Variants in ZMAT2 observed in about 807,000 individuals in gnomAD.
The protein encoded by ZMAT2 is zinc finger matrin-type protein 2.
Under a neutral mutation model 27.5 loss-of-function variants are expected in ZMAT2, and 5 were observed. The ratio of observed to expected loss-of-function variants is 0.18; its 90% confidence interval spans 0.10 to 0.38. ZMAT2 has a LOEUF of 0.38. Ranked by LOEUF, ZMAT2 falls within the 10% of genes least tolerant of loss-of-function variation. ZMAT2 has a pLI of 1.00. For synonymous variants in ZMAT2, 76 were observed against 78.6 expected (o/e 0.97, Z 0.17); for missense variants, 124 against 243.9 (o/e 0.51, Z 3.27).
At chr5:140,702,491 CA>C (rs1355484021) in intron 3 of ZMAT2, among the ~76,000 whole-genome samples, 7 of 152,122 alleles carry the variant, frequency 4.6e-5, no homozygotes, top group Non-Finnish European at 8.8e-5. Flanking sequence ...CCAAAACAAA[CA>C]AAAATCATAC....
chr5:140,705,666 G>A lies in ZMAT2; in HGVS notation c.510G>A (p.Arg170=). The change falls in exon 6 of 6, where the codon AGG becomes AGA. Residue 170 remains arginine, a synonymous_variant. Transcript: ENST00000274712. ...AGAAACAGAAGGAGAAGAAAAGGAG[G>A]GCTGAGGAGGACTTGACATTTGAGG... ...KKEKQKEKKR[R]AEEDLTFEED... 1 of 1,614,134 alleles carries A rather than the reference G, an allele frequency of 6.2e-7. No individual in the cohort carries two copies. The highest frequency in any genetic ancestry group is 8.5e-7 in the Non-Finnish European group (1 of 1,180,012).
At chr5:140,700,502 G>A (rs1759938115) in intron 1 of ZMAT2, 24 bp downstream of exon 1, 1 of 1,612,890 alleles carries the variant, frequency 6.2e-7, no homozygotes, top group Non-Finnish European at 8.5e-7. Context: ...CTGAGGAGGA[G>A]GTTTTGCGGG....
intron 3 of ZMAT2, among the ~76,000 whole-genome samples, chr5:140,703,256 T>C (rs1279109009): frequency 5.9e-5 from 9 of 151,396 alleles, no homozygotes; most frequent in Non-Finnish European, 1.0e-4. Flanking sequence ...TTTTTTTTTT[T>C]CTGAGACAGA....
At chr5:140,703,293 A>G (rs2530232) in intron 3 of ZMAT2, among the ~76,000 whole-genome samples, 63,206 of 148,956 alleles carry the variant, frequency 0.42, 13,561 homozygotes, top group East Asian at 0.46. Flanking sequence ...CCAGGATGAA[A>G]TGCAATGGTA....
rs1213327013 is a variant in ZMAT2 at position 140,700,494 on chromosome 5, G to A, written c.18+16G>A. 1 of 1,613,028 alleles carries A rather than the reference G, an allele frequency of 6.2e-7. No individual in the cohort carries two copies. The highest frequency in any genetic ancestry group is 8.5e-7 in the Non-Finnish European group (1 of 1,179,932). On this transcript the variant is annotated intron_variant, in intron 1 of 5. Coordinates refer to ENST00000274712, the MANE Select transcript of ZMAT2 (RefSeq NM_144723.3). ...GGGCAGCGGGGTAGGTGTTGTGTCT[G>A]AGGAGGAGGTTTTGCGGGGTGGGGA...
rs747400131 is a variant in ZMAT2 at position 140,704,397 on chromosome 5, T to C, written c.311-29T>C. ...AGGGGCTGAGGATGTTGTAATGAAC[T>C]TGCCTTCTTCACTGTTGACCCTATG... On this transcript the variant is annotated intron_variant, in intron 4 of 5. Transcript: ENST00000274712. 3.8e-6 allele frequency: 6 copies of C among 1,587,582 alleles called. No homozygotes were observed. The South Asian group carries it at 4.6e-5, about 12-fold the overall frequency.
intron 1 of ZMAT2, 71 bp downstream of exon 1, chr5:140,700,549 C>T (rs755929077): frequency 3.1e-6 from 5 of 1,605,288 alleles, no homozygotes; most frequent in Non-Finnish European, 4.3e-6. Context: ...TAGAGACAAA[C>T]TCCTGCACCC....
Position 140,702,015 on chromosome 5 carries a change from T to G in ZMAT2, c.122T>G (p.Val41Gly). 1 of 1,611,590 alleles carries G rather than the reference T, an allele frequency of 6.2e-7. No individual in the cohort carries two copies. Among genetic ancestry groups the G allele is most frequent in the Non-Finnish European group, 8.5e-7 (1 of 1,178,810 alleles). Reference sequence around the variant, plus strand: ...CCCCATTATGTTTCAGGAAAACCAGTGCAGCCTGTCAAGCGAGAGCTTTTA... The same window carrying G: ...CCCCATTATGTTTCAGGAAAACCAGGGCAGCCTGTCAAGCGAGAGCTTTTA... ...EEREKKDGKPVQPVKRELLRH... is the reference protein window; with the variant it reads ...EEREKKDGKPGQPVKRELLRH... Residue 41 changes from valine (V) to glycine (G), a missense_variant, in exon 3 of 6, where the codon GTG (valine) becomes GGG (glycine). Transcript: ENST00000274712.
In ZMAT2 at chr5:140,704,628, A is replaced by G. The variant is rs1469903751; in HGVS notation, c.456+57A>G. 7.5e-6 allele frequency: 12 copies of G among 1,590,014 alleles called. No homozygotes were observed. The East Asian group carries it at 1.3e-4, about 18-fold the overall frequency. On this transcript the variant is annotated intron_variant, in intron 5 of 5. Transcript: ENST00000274712. ...AGATTTGAGTTTTATGTTATGAATC[A>G]TGGGAGACCCTGTCCTCATCCCACT...
intron 2 of ZMAT2, 94 bp from the exon 3 acceptor site, chr5:140,701,912 A>C (rs765057881): frequency 2.7e-5 from 40 of 1,469,008 alleles, no homozygotes; most frequent in Non-Finnish European, 3.7e-5. Flanking sequence ...TTTTGAAATG[A>C]GTAAGACCTG....
At position 140,706,570 on chromosome 5, in the gene ZMAT2, A is replaced by C. The variant is rs1484932324; in HGVS notation, c.*814A>C. 1 of 152,678 alleles carries C rather than the reference A, an allele frequency of 6.5e-6. No individual in the cohort carries two copies. The highest frequency in any genetic ancestry group is 2.4e-5 in the African/African-American group (1 of 41,458). The allele number at this position is 152,678 out of a possible 1,614,324, so 9.5% of individuals were successfully genotyped here. A position where few individuals can be genotyped will look rare whatever the true frequency, so the allele number is the denominator to read the frequency against. ...GATGCAAAAAAGAAAATGAAAAACA[A>C]AACAAAAAATCCCCAAAACCTTATT... On this transcript the variant is annotated 3_prime_UTR_variant, in exon 6 of 6. Transcript: ENST00000274712.
chr5:140,703,771 G>A (rs991104377), intron 3 of ZMAT2, 147 bp from the exon 4 acceptor site: 2 of 700,798 alleles, frequency 2.9e-6, no homozygotes, highest in African/African-American at 1.8e-5. Context: ...GAAGATGACT[G>A]CTATACTCTC....
rs1760051225 is a variant in ZMAT2, at chr5:140,706,011, A to G, written c.*255A>G. 2.5e-6 allele frequency: 1 copy of G among 401,484 alleles called. No homozygotes were observed. The highest frequency in any genetic ancestry group is 1.1e-4 in the South Asian group (1 of 9,510). 24.9% of individuals were successfully genotyped at this position (401,484 alleles called of 1,614,324 possible). A position where few individuals can be genotyped will look rare whatever the true frequency, so the allele number is the denominator to read the frequency against. On this transcript the variant is annotated 3_prime_UTR_variant, in exon 6 of 6. Transcript: ENST00000274712. ...AGGACCCTGCCCACCTGAGTTCCCA[A>G]TAAAGAAAAACCTCCCCTTCTGAGG...
At chr5:140,702,417 C>T (rs770016382) in intron 3 of ZMAT2, among the ~76,000 whole-genome samples, 1 of 152,164 alleles carries the variant, frequency 6.6e-6, no homozygotes, top group Non-Finnish European at 1.5e-5. Context: ...AGGAGGATTG[C>T]TTGAGCCCAG....
chr5:140,703,390 A>G (rs1384530097), intron 3 of ZMAT2, among the ~76,000 whole-genome samples: 1 of 151,340 alleles, frequency 6.6e-6, no homozygotes, highest in African/African-American at 2.4e-5. Context: ...ACAGGCATGC[A>G]CCACCTGATT....
At position 140,705,695 on chromosome 5, in the gene ZMAT2, A is replaced by G; in HGVS notation, c.539A>G (p.Asp180Gly). ...GAGGAGGACTTGACATTTGAGGAGG[A>G]CGATGAGATGGCAGCTGTGATGGGC... ...RAEEDLTFEEDDEMAAVMGFS... is the reference protein window; with the variant it reads ...RAEEDLTFEEGDEMAAVMGFS... Residue 180 changes from aspartate to glycine, a missense_variant, in exon 6 of 6, where the codon GAC (aspartate) becomes GGC (glycine). Transcript: ENST00000274712. The G allele has an allele frequency of 6.2e-7, 1 of 1,614,106 alleles. No individual in the cohort carries two copies. The highest frequency in any genetic ancestry group is 8.5e-7 in the Non-Finnish European group (1 of 1,180,022).
At chr5:140,701,034 C>T (rs888476587) in intron 2 of ZMAT2, 122 bp downstream of exon 2, 7 of 921,570 alleles carry the variant, frequency 7.6e-6, no homozygotes, top group Non-Finnish European at 1.1e-5. Context: ...GTGCTGCTTC[C>T]CTGGGCCTAG....
At chr5:140,704,051 A>G (rs779073953) in intron 4 of ZMAT2, 60 bp downstream of exon 4, 1 of 1,468,382 alleles carries the variant, frequency 6.8e-7, no homozygotes, top group South Asian at 1.2e-5. Context: ...GTGGGGTGGA[A>G]TGGAAGGGTA....
At chr5:140,705,576 G>A (rs368985908) in intron 5 of ZMAT2, 37 bp from the exon 6 acceptor site, 20 of 1,576,512 alleles carry the variant, frequency 1.3e-5, no homozygotes, top group Non-Finnish European at 1.4e-5. Flanking sequence ...ATTTGGCTGA[G>A]GAGTCTAAAC....
Sources: gnomAD v4.1 joint callset for allele counts (sites outside exome capture counted in the v4.1 genomes callset) on GRCh38, gnomAD v4.1.1 for gene constraint, MANE v1.5 for transcripts, NCBI Gene and HGNC (gene_info 2026-07-23, HGNC 2026-07-21) for gene names.